Variants in DYNC2I1 observed in about 807,000 individuals in gnomAD.
DYNC2I1 encodes cytoplasmic dynein 2 intermediate chain 1.
DYNC2I1 carries 89 observed loss-of-function variants against 133.4 expected under a neutral mutation model. That is an observed-to-expected ratio of 0.67 (90% CI 0.56 to 0.80). The LOEUF (loss-of-function observed/expected upper bound fraction) is 0.80, where lower values mean the gene tolerates loss of function less well. Among genes scored for constraint, DYNC2I1 ranks in the 30% least tolerant of loss-of-function variants. DYNC2I1 has a pLI of 0.00. For synonymous variants in DYNC2I1, 504 were observed against 484.3 expected (o/e 1.04, Z -0.54); for missense variants, 1,291 against 1,314.5 (o/e 0.98, Z 0.28).
At chr7:158,893,629 A>G (rs932185580) in intron 8 of DYNC2I1, among the ~76,000 whole-genome samples, 3 of 152,108 alleles carry the variant, frequency 2.0e-5, no homozygotes, top group African/African-American at 7.2e-5. Flanking sequence ...GCATCATAAC[A>G]GTATTGTACC....
intron 11 of DYNC2I1, among the ~76,000 whole-genome samples, chr7:158,911,120 G>C (rs1012981839): frequency 2.1e-4 from 32 of 152,218 alleles, no homozygotes; most frequent in Non-Finnish European, 4.4e-4. Flanking sequence ...GCCTGGAAAA[G>C]AGCGTGGCCC....
intron 1 of DYNC2I1, among the ~76,000 whole-genome samples, chr7:158,862,076 A>G (rs1312526028): frequency 6.6e-6 from 1 of 152,128 alleles, no homozygotes; most frequent in Non-Finnish European, 1.5e-5. Flanking sequence ...CGTGCGCCCT[A>G]GTTTGGTGTG....
At chr7:158,914,575 T>A (rs1847820472) in intron 14 of DYNC2I1, among the ~76,000 whole-genome samples, 2 of 152,226 alleles carry the variant, frequency 1.3e-5, no homozygotes, top group Admixed American at 1.3e-4. Flanking sequence ...ATTTTATTAT[T>A]AATTTCTTAC....
chr7:158,882,179 C>T (rs945519882), intron 5 of DYNC2I1, among the ~76,000 whole-genome samples: 1 of 152,134 alleles, frequency 6.6e-6, no homozygotes, highest in Non-Finnish European at 1.5e-5. Flanking sequence ...GTATGCTGGG[C>T]ACTGTTCTAG....
intron 1 of DYNC2I1, 117 bp downstream of exon 1, chr7:158,856,867 G>T: frequency 8.5e-7 from 1 of 1,169,954 alleles, no homozygotes; most frequent in Admixed American, 4.3e-5. Context: ...GGCCGGGCCG[G>T]GGCTTCCCGG....
chr7:158,844,357 T>A, the DYNC2I1 span, among the ~76,000 whole-genome samples: 1 of 152,072 alleles, frequency 6.6e-6, no homozygotes, highest in Non-Finnish European at 1.5e-5. Flanking sequence ...GGGAAAAACG[T>A]GGGTCATCGG....
At chr7:158,927,915 C>T (rs1849784174) in intron 20 of DYNC2I1, among the ~76,000 whole-genome samples, 2 of 152,174 alleles carry the variant, frequency 1.3e-5, no homozygotes, top group African/African-American at 4.8e-5. Flanking sequence ...CCATTCAGTT[C>T]TGTCAGACAA....
At chr7:158,929,404 G>T (rs1001551598) in intron 20 of DYNC2I1, among the ~76,000 whole-genome samples, 12 of 149,922 alleles carry the variant, frequency 8.0e-5, no homozygotes, top group African/African-American at 2.8e-4. Context: ...CAGAAAGGCT[G>T]CCCGTGGGCG....
chr7:158,945,405 G>A lies in DYNC2I1; in HGVS notation c.3003-176G>A, dbSNP rs558488051. 2.6e-5 allele frequency among the ~76,000 whole-genome samples: 4 copies of A among 152,308 alleles called. No individual in the cohort carries two copies. Among genetic ancestry groups the A allele is most frequent in the East Asian group, 1.9e-4 (1 of 5,184 alleles). ...TCCATCTGGCAGGCCTCTGACATGC[G>A]GAAATGCATTTTCACACATTTATTT... On this transcript the variant is annotated intron_variant, in intron 24 of 24. Coordinates refer to ENST00000407559, the MANE Select transcript of DYNC2I1 (RefSeq NM_018051.5). This position sits in a 1 kb window ranked among gnomAD's most constrained non-coding sequence, Gnocchi z 4.1.
At chr7:158,947,012 G>C (rs747133432), downstream of DYNC2I1, among the ~76,000 whole-genome samples, 5 of 152,216 alleles carry the variant, frequency 3.3e-5, no homozygotes, top group Non-Finnish European at 7.3e-5. Flanking sequence ...CCGAGCAACC[G>C]CCAGCCTTTC....
At chr7:158,939,619 T>TA (rs1407193720) in intron 23 of DYNC2I1, among the ~76,000 whole-genome samples, 1 of 152,220 alleles carries the variant, frequency 6.6e-6, no homozygotes, top group Non-Finnish European at 1.5e-5. Flanking sequence ...TGTTCTCACT[T>TA]AGCCATAATA....
intron 1 of DYNC2I1, among the ~76,000 whole-genome samples, chr7:158,863,465 C>T (rs1842057603): frequency 6.6e-6 from 1 of 151,918 alleles, no homozygotes; most frequent in African/African-American, 2.4e-5. Flanking sequence ...GAATGAGACT[C>T]TTTAAATAAT....
At chr7:158,858,801 TC>T (rs1235228942) in intron 1 of DYNC2I1, among the ~76,000 whole-genome samples, 1 of 134,926 alleles carries the variant, frequency 7.4e-6, no homozygotes. Flanking sequence ...CAGTGGAGTA[TC>T]CCCTCCCCCC....
rs201238212 is a variant in DYNC2I1 at position 158,891,331 on chromosome 7, G to A, written c.1057G>A (p.Val353Met). 121 of 1,613,924 alleles carry A rather than the reference G, an allele frequency of 7.5e-5. No homozygotes were observed. Among genetic ancestry groups the A allele is most frequent in the Non-Finnish European group, 9.6e-5 (113 of 1,179,896 alleles). Reference protein sequence around the residue: ...LDQRPGGEETVEIEKEETDLE... With the variant: ...LDQRPGGEETMEIEKEETDLE... ...CCAGAGGCCGGGAGGCGAGGAAACC[G>A]TGGTAAGGAGAGTACGTCTTCTTAT... Residue 353 changes from valine (V) to methionine (M), a missense_variant and splice_region_variant, in exon 8 of 25, where the codon GTG becomes ATG. By Grantham distance (21) the Val-to-Met change is conservative (BLOSUM62 1). Transcript: ENST00000407559.
chr7:158,908,398 G>A (rs2709848), intron 11 of DYNC2I1, among the ~76,000 whole-genome samples: 23,925 of 152,062 alleles, frequency 0.16, 2,038 homozygotes, highest in Middle Eastern at 0.24. Flanking sequence ...CTCAAAAATT[G>A]AATTTCTGCA....
chr7:158,839,831 AG>A, the DYNC2I1 span, among the ~76,000 whole-genome samples: 1 of 149,560 alleles, frequency 6.7e-6, no homozygotes, highest in Non-Finnish European at 1.5e-5. Flanking sequence ...AAAAAAAAAA[AG>A]AGATGAGGTC....
rs2527193 is a variant in DYNC2I1 at position 158,934,922 on chromosome 7, C to A, written c.2778+373C>A. ...GAGCACAAATTGGTCATTTATGGGGCGTCAGTGGTTTAAAAAGGAGAAACA... is the reference window on the plus strand; with the variant it reads ...GAGCACAAATTGGTCATTTATGGGGAGTCAGTGGTTTAAAAAGGAGAAACA... On this transcript the variant is annotated intron_variant, in intron 23 of 24. Coordinates refer to ENST00000407559, the MANE Select transcript of DYNC2I1 (RefSeq NM_018051.5). 2.5e-3 allele frequency among the ~76,000 whole-genome samples: 385 copies of A among 151,766 alleles called. 1 individual carries two copies. The highest frequency in any genetic ancestry group is 8.1e-3 in the South Asian group (39 of 4,812).
In DYNC2I1 at chr7:158,899,312, A is replaced by G. The variant is rs150973519; in HGVS notation, c.1060-2427A>G. On this transcript the variant is annotated intron_variant, in intron 8 of 24. Coordinates refer to ENST00000407559, the MANE Select transcript of DYNC2I1 (RefSeq NM_018051.5). ...GTGGAACCCACAGATAAGGAGGGCT[A>G]ACTATGCATATGTGTACACAAACAC... Among the ~76,000 whole-genome samples the G allele has an allele frequency of 2.1e-3, 324 of 152,330 alleles. 4 individuals carry two copies. The highest frequency in any genetic ancestry group is 0.013 in the South Asian group (63 of 4,822).
intron 8 of DYNC2I1, among the ~76,000 whole-genome samples, chr7:158,894,620 G>T (rs1385422110): frequency 2.0e-5 from 3 of 152,204 alleles, no homozygotes; most frequent in Non-Finnish European, 4.4e-5. Context: ...TTGCTTCCAA[G>T]TTTTGGCAAG....
Sources: allele counts gnomAD v4.1 joint callset (sites outside exome capture counted in the v4.1 genomes callset), GRCh38; gene constraint gnomAD v4.1.1; non-coding constraint Gnocchi (gnomAD v3.1); transcripts MANE v1.5; gene names NCBI Gene and HGNC (gene_info 2026-07-23, HGNC 2026-07-21).